The following KCTD14 variants were observed in gnomAD, a reference collection of about 807,000 sequenced individuals.
KCTD14 encodes BTB/POZ domain-containing protein KCTD14.
In KCTD14, 7 loss-of-function variants were observed where a neutral mutation model predicts 5.9. The ratio of observed to expected loss-of-function variants is 1.19; its 90% CI spans 0.68 to 2.23. KCTD14 has a LOEUF of 2.23. KCTD14 is among the 30% of genes most tolerant of loss of function. The pLI is 0.00. For missense variants in KCTD14, 342 were observed against 332.2 expected (o/e 1.03, Z -0.23); for synonymous variants, 140 against 133.1 (o/e 1.05, Z -0.36).
At chr11:78,024,794 A>G (rs1358496746), upstream of KCTD14, among the ~76,000 whole-genome samples, 2 of 151,532 alleles carry the variant, frequency 1.3e-5, no homozygotes, top group Non-Finnish European at 2.9e-5. Context: ...AAATACAAAA[A>G]ATTAGCTGGG....
intron 1 of KCTD14, among the ~76,000 whole-genome samples, chr11:78,039,033 T>A (rs1232217836): frequency 3.0e-5 from 4 of 131,520 alleles, no homozygotes; most frequent in African/African-American, 1.2e-4. Context: ...AATATGGGGC[T>A]AGGAGGGAAG....
chr11:78,042,071 A>G (rs1035062617), intron 1 of KCTD14, among the ~76,000 whole-genome samples: 1 of 152,206 alleles, frequency 6.6e-6, no homozygotes, highest in African/African-American at 2.4e-5. Context: ...CCCCTGGTAA[A>G]AAAAACCACC....
At chr11:78,038,215 CG>C (rs1488976995) in intron 2 of KCTD14, among the ~76,000 whole-genome samples, 2 of 152,158 alleles carry the variant, frequency 1.3e-5, no homozygotes, top group Non-Finnish European at 2.9e-5. Context: ...CTTGGGACCT[CG>C]GGTGTCCTGT....
chr11:78,025,114 GTGTGTATATATATATATATA>G (rs1208077621), upstream of KCTD14, among the ~76,000 whole-genome samples: 5 of 66,894 alleles, frequency 7.5e-5, no homozygotes, highest in African/African-American at 4.2e-4. Context: ...GTGTGTGTGT[GTGTGTATATATATATATATA>G]TATATATATA....
At chr11:78,045,738 C>T (rs1191417046) in intron 1 of KCTD14, among the ~76,000 whole-genome samples, 1 of 152,122 alleles carries the variant, frequency 6.6e-6, no homozygotes, top group East Asian at 1.9e-4. Context: ...TCATAAGCAG[C>T]CCTGGGGGAG....
chr11:78,021,518 A>C (rs1211336492), intron 1 of KCTD14, among the ~76,000 whole-genome samples: 1 of 151,886 alleles, frequency 6.6e-6, no homozygotes, highest in Non-Finnish European at 1.5e-5. Flanking sequence ...TCTTAGGCTC[A>C]AGCGATTCTC....
At chr11:78,021,702 G>A (rs975767567) in intron 1 of KCTD14, among the ~76,000 whole-genome samples, 1 of 152,162 alleles carries the variant, frequency 6.6e-6, no homozygotes, top group Non-Finnish European at 1.5e-5. Flanking sequence ...ACAGGCATGA[G>A]CTACCACGCC....
At chr11:78,032,342 A>G (rs1591188027) in intron 2 of KCTD14, among the ~76,000 whole-genome samples, 1 of 151,824 alleles carries the variant, frequency 6.6e-6, no homozygotes, top group African/African-American at 2.4e-5. Context: ...CCAGTTCACC[A>G]GCTCTTGGGT....
upstream of KCTD14, among the ~76,000 whole-genome samples, chr11:78,024,333 T>TAAG (rs1302570973): frequency 4.1e-5 from 6 of 145,800 alleles, no homozygotes; most frequent in African/African-American, 1.5e-4. Flanking sequence ...TGTAGTGAGC[T>TAAG]AAGATTGCAC....
chr11:78,020,040 T>C (rs1857270555), intron 1 of KCTD14, among the ~76,000 whole-genome samples: 1 of 152,196 alleles, frequency 6.6e-6, no homozygotes, highest in South Asian at 2.1e-4. Flanking sequence ...CAGGACACAG[T>C]CCCTGCTTTC....
chr11:78,038,789 T>G (rs1221173333), intron 1 of KCTD14: 25 of 1,535,120 alleles, frequency 1.6e-5, no homozygotes, highest in Non-Finnish European at 2.2e-5. Flanking sequence ...CTTAGAAGAC[T>G]ATCAGTGTTC....
At chr11:78,021,247 A>G (rs956611686) in intron 1 of KCTD14, among the ~76,000 whole-genome samples, 3 of 140,060 alleles carry the variant, frequency 2.1e-5, no homozygotes, top group Middle Eastern at 3.8e-3. Flanking sequence ...GCAGTGAGCC[A>G]AGATTGCACT....
intron 2 of KCTD14, among the ~76,000 whole-genome samples, chr11:78,033,131 G>A (rs913467494): frequency 4.6e-5 from 7 of 152,146 alleles, no homozygotes; most frequent in African/African-American, 1.7e-4. Context: ...CATAAGTGGT[G>A]TCAGCATAAG....
upstream of KCTD14, among the ~76,000 whole-genome samples, chr11:78,027,846 T>C (rs1857508134): frequency 6.6e-6 from 1 of 152,094 alleles, no homozygotes; most frequent in Admixed American, 6.6e-5. Flanking sequence ...AGAGAATAGA[T>C]TGCAAATATT....
chr11:78,041,527 G>A (rs765309870), intron 1 of KCTD14, among the ~76,000 whole-genome samples: 2 of 152,210 alleles, frequency 1.3e-5, no homozygotes, highest in Non-Finnish European at 2.9e-5. Context: ...AGAGCACAGC[G>A]GGAGGGACGA....
In KCTD14 at chr11:78,017,090, C is replaced by T; in HGVS notation, c.271G>A (p.Asp91Asn). 1 of 1,614,210 alleles carries T rather than the reference C, an allele frequency of 6.2e-7. No individual in the cohort carries two copies. Among genetic ancestry groups the T allele is most frequent in the Non-Finnish European group, 8.5e-7 (1 of 1,180,042 alleles). The change falls in exon 2 of 2, where the codon GAC becomes AAC. Residue 91 changes from aspartate to asparagine, a missense_variant. Physicochemically the swap from Asp to Asn is conservative, Grantham distance 23. Transcript: ENST00000353172. ...RPSTYFRPILDYLRTGQVPTQ... is the reference protein window; with the variant it reads ...RPSTYFRPILNYLRTGQVPTQ... Reference sequence around the variant, plus strand: ...GGCACTTGCCCAGTGCGCAGGTAGTCCAGGATGGGTCTGAAATAGGTGCTG... The same window carrying T: ...GGCACTTGCCCAGTGCGCAGGTAGTTCAGGATGGGTCTGAAATAGGTGCTG...
intron 2 of KCTD14, among the ~76,000 whole-genome samples, chr11:78,029,278 T>C (rs754745922): frequency 5.9e-5 from 9 of 151,766 alleles, no homozygotes; most frequent in African/African-American, 1.2e-4. Flanking sequence ...CCCAGATAAC[T>C]AGTGACTATA....
At chr11:78,038,814 C>A in intron 1 of KCTD14, 2 of 1,531,714 alleles carry the variant, frequency 1.3e-6, no homozygotes, top group Non-Finnish European at 1.7e-6. Flanking sequence ...AGGACGAGGA[C>A]CAGGAGTTCA....
chr11:78,018,313 G>C lies in KCTD14; in HGVS notation c.91-1043C>G, dbSNP rs749962945. ...CCCAACACTTTGGGAGGCCAAGGCA[G>C]GAGGATCACTTGTGGCCAGGAGTTG... On this transcript the variant is annotated intron_variant, in intron 1 of 1. Transcript: ENST00000353172. 9.7e-4 allele frequency among the ~76,000 whole-genome samples: 148 copies of C among 152,256 alleles called. 2 individuals carry two copies. Among genetic ancestry groups the C allele is most frequent in the Non-Finnish European group, 1.7e-3 (116 of 68,024 alleles).
Sources: allele counts gnomAD v4.1 joint callset (sites outside exome capture counted in the v4.1 genomes callset), GRCh38; gene constraint gnomAD v4.1.1; transcripts MANE v1.5; gene names NCBI Gene and HGNC (gene_info 2026-07-23, HGNC 2026-07-21).